GABRB2: variants seen among roughly 807,000 people sequenced by gnomAD.
The protein encoded by GABRB2 is gamma-aminobutyric acid type A receptor subunit beta2, also known as gamma-aminobutyric acid receptor subunit beta-2.
In GABRB2, 16 loss-of-function variants were observed where a neutral mutation model predicts 54.7. The observed-to-expected ratio is 0.29, with a 90% CI of 0.20 to 0.44. The LOEUF (loss-of-function observed/expected upper bound fraction) is 0.44, where lower values mean the gene tolerates loss of function less well. GABRB2 is among the 20% of genes least tolerant of loss of function. The pLI is 1.00. For synonymous variants in GABRB2, 244 were observed against 233.8 expected (o/e 1.04, Z -0.40); for missense variants, 355 against 644.0 (o/e 0.55, Z 4.86).
chr5:161,333,592 AG>A (rs1753913963), intron 7 of GABRB2, among the ~76,000 whole-genome samples: 1 of 152,218 alleles, frequency 6.6e-6, no homozygotes, highest in East Asian at 1.9e-4. Context: ...ATAAAAGCAA[AG>A]CCTTTGTCGT....
intron 3 of GABRB2, among the ~76,000 whole-genome samples, chr5:161,535,330 C>T: frequency 6.6e-6 from 1 of 151,432 alleles, no homozygotes; most frequent in Admixed American, 6.6e-5. Context: ...GAATAAAGTA[C>T]CTACTTAAAA....
At chr5:161,453,233 T>C (rs746047005) in intron 4 of GABRB2, among the ~76,000 whole-genome samples, 2 of 152,220 alleles carry the variant, frequency 1.3e-5, no homozygotes, top group East Asian at 1.9e-4. Flanking sequence ...TATCTCTTGA[T>C]GGAAATCTCT....
intron 3 of GABRB2, among the ~76,000 whole-genome samples, chr5:161,537,850 T>G (rs1760691028): frequency 6.6e-6 from 1 of 152,080 alleles, no homozygotes; most frequent in African/African-American, 2.4e-5. Context: ...AAATCTACCC[T>G]TTCCTCACTC....
intron 5 of GABRB2, among the ~76,000 whole-genome samples, chr5:161,338,320 G>T (rs1754051361): frequency 6.6e-6 from 1 of 152,038 alleles, no homozygotes; most frequent in Non-Finnish European, 1.5e-5. Context: ...AAGCCCTCCG[G>T]ATATAGTTAA....
intron 5 of GABRB2, among the ~76,000 whole-genome samples, chr5:161,358,756 G>T (rs958855185): frequency 6.6e-6 from 1 of 152,144 alleles, no homozygotes; most frequent in African/African-American, 2.4e-5. Flanking sequence ...AAGTTCATTA[G>T]CTGAGAGTGA....
In GABRB2 at chr5:161,365,477, T is replaced by C. The variant is rs546999332; in HGVS notation, c.542-28708A>G. Among the ~76,000 whole-genome samples the C allele has an allele frequency of 3.3e-4, 50 of 152,346 alleles. 1 individual carries two copies. In the South Asian group the frequency reaches 0.01, roughly 32 times the overall value. On this transcript the variant is annotated intron_variant, in intron 5 of 9. Transcript: ENST00000393959. Reference sequence around the variant, plus strand: ...ATTGACACATAATTTCACATATGTATGGGGTACATAGTGATGTTTTAATAC... The same window carrying C: ...ATTGACACATAATTTCACATATGTACGGGGTACATAGTGATGTTTTAATAC...
chr5:161,397,751 G>A (rs1445679885), intron 5 of GABRB2, among the ~76,000 whole-genome samples: 2 of 152,122 alleles, frequency 1.3e-5, no homozygotes, highest in Non-Finnish European at 2.9e-5. Flanking sequence ...GACAGTGCTC[G>A]TATGACTTAA....
At chr5:161,492,703 T>C (rs1365224274) in intron 3 of GABRB2, among the ~76,000 whole-genome samples, 1 of 151,432 alleles carries the variant, frequency 6.6e-6, no homozygotes, top group Non-Finnish European at 1.5e-5. Context: ...AATGCTCCTT[T>C]GTTACCAGTT....
At chr5:161,410,275 C>T (rs1441464572) in intron 5 of GABRB2, among the ~76,000 whole-genome samples, 1 of 152,058 alleles carries the variant, frequency 6.6e-6, no homozygotes, top group Non-Finnish European at 1.5e-5. Context: ...GTTATAAAAT[C>T]ACCATTTTAG....
chr5:161,522,195 G>A (rs535680364), intron 3 of GABRB2, among the ~76,000 whole-genome samples: 43 of 151,892 alleles, frequency 2.8e-4, no homozygotes, highest in African/African-American at 9.2e-4. Context: ...AGGCCCCTAG[G>A]TGTTATCACA....
intron 5 of GABRB2, among the ~76,000 whole-genome samples, chr5:161,353,353 A>G (rs552910625): frequency 1.2e-3 from 185 of 152,170 alleles, no homozygotes; most frequent in African/African-American, 4.2e-3. Flanking sequence ...AGAGTAGTAA[A>G]GGAAGGAGTA....
At chr5:161,488,196 C>T (rs1433947005) in intron 3 of GABRB2, among the ~76,000 whole-genome samples, 1 of 149,872 alleles carries the variant, frequency 6.7e-6, no homozygotes. Flanking sequence ...AAAAATTTGG[C>T]TTGACACAAG....
intron 5 of GABRB2, among the ~76,000 whole-genome samples, chr5:161,391,303 G>A (rs542904298): frequency 4.6e-5 from 7 of 152,178 alleles, no homozygotes; most frequent in Non-Finnish European, 1.0e-4. Flanking sequence ...AGGAGCATAT[G>A]TTTTAAAATG....
intron 4 of GABRB2, among the ~76,000 whole-genome samples, chr5:161,444,637 C>T (rs1561652491): frequency 1.3e-5 from 2 of 152,084 alleles, no homozygotes; most frequent in Admixed American, 6.6e-5. Context: ...ATGACAATTG[C>T]TGATCTTATC....
In GABRB2 at chr5:161,414,239, C is replaced by T. The variant is rs148638141; in HGVS notation, c.459-3182G>A. 3.2e-3 allele frequency among the ~76,000 whole-genome samples: 488 copies of T among 152,240 alleles called. 1 individual carries two copies. The highest frequency in any genetic ancestry group is 0.01 in the African/African-American group (434 of 41,564). Reference sequence around the variant, plus strand: ...CATATGGTCGATGATGAGTAACAGACAAGTCATTGTATTCTCTGACACTTA... The same window carrying T: ...CATATGGTCGATGATGAGTAACAGATAAGTCATTGTATTCTCTGACACTTA... On this transcript the variant is annotated intron_variant, in intron 4 of 9. Coordinates refer to ENST00000393959, the MANE Select transcript of GABRB2 (RefSeq NM_001371727.1).
intron 5 of GABRB2, among the ~76,000 whole-genome samples, chr5:161,409,345 G>A (rs1324665862): frequency 4.6e-5 from 7 of 151,984 alleles, no homozygotes; most frequent in Admixed American, 3.3e-4. Context: ...AGTGAGATAC[G>A]TAAAGCCTAA....
chr5:161,294,428 T>A lies in GABRB2; in HGVS notation c.1192A>T (p.Met398Leu). The stretch of plus-strand genomic sequence containing the variant: ...AGTAAGATGTTCTCATGGGGGTCCA[T>A]CTGCAAGGGAAGAGAATCAAAAAGA... ...TTNYDFSLYT[M>L]DPHENILLST... is the part of the protein sequence containing the mutation. The change falls in exon 10 of 10, where the codon ATG becomes TTG. Residue 398 changes from methionine to leucine, a missense_variant and splice_region_variant. Coordinates refer to ENST00000393959, the MANE Select transcript of GABRB2 (RefSeq NM_001371727.1). The A allele has an allele frequency of 6.2e-7, 1 of 1,609,422 alleles. No homozygotes were observed. The highest frequency in any genetic ancestry group is 8.5e-7 in the Non-Finnish European group (1 of 1,176,516).
intron 9 of GABRB2, among the ~76,000 whole-genome samples, chr5:161,308,507 A>T (rs1318595374): frequency 1.3e-5 from 2 of 152,232 alleles, no homozygotes; most frequent in Non-Finnish European, 2.9e-5. Flanking sequence ...AAAACTATCC[A>T]TATAGAACCA....
intron 5 of GABRB2, among the ~76,000 whole-genome samples, chr5:161,392,483 C>T (rs746114680): frequency 6.6e-6 from 1 of 152,156 alleles, no homozygotes; most frequent in Admixed American, 6.6e-5. Context: ...CAAATCAATG[C>T]TCCTTCAGTA....
Sources: gnomAD v4.1 joint callset for allele counts (sites outside exome capture counted in the v4.1 genomes callset) on GRCh38, gnomAD v4.1.1 for gene constraint, MANE v1.5 for transcripts, NCBI Gene and HGNC (gene_info 2026-07-23, HGNC 2026-07-21) for gene names.